Variants in FAM81A observed in about 807,000 individuals in gnomAD.
FAM81A encodes protein FAM81A.
In FAM81A, 19 loss-of-function variants were observed where a neutral mutation model predicts 46.7. The ratio of observed to expected loss-of-function variants is 0.41; its 90% confidence interval spans 0.28 to 0.60. The LOEUF (loss-of-function observed/expected upper bound fraction) is 0.60, where lower values mean the gene tolerates loss of function less well. FAM81A is among the 20% of genes least tolerant of loss of function. The pLI, the probability that FAM81A is intolerant of heterozygous loss-of-function variation, is 0.34. For synonymous variants in FAM81A, 183 were observed against 152.9 expected, an observed-to-expected ratio of 1.20 and a Z score of -1.45; for missense variants, 377 against 453.5, an observed-to-expected ratio of 0.83 and a Z score of 1.53.
chr15:59,513,925 A>G (rs1473135976), intron 6 of FAM81A, among the ~76,000 whole-genome samples: 1 of 152,234 alleles, frequency 6.6e-6, no homozygotes, highest in Non-Finnish European at 1.5e-5. Context: ...TGCCCTTTGC[A>G]GGGACATGGA....
intron 1 of FAM81A, among the ~76,000 whole-genome samples, chr15:59,457,619 A>G (rs1470402544): frequency 1.3e-5 from 2 of 152,232 alleles, no homozygotes; most frequent in Non-Finnish European, 2.9e-5. Flanking sequence ...CTCTTTGGGC[A>G]CCATAGCTTG....
At chr15:59,509,957 A>T (rs916108500) in intron 6 of FAM81A, among the ~76,000 whole-genome samples, 11 of 152,186 alleles carry the variant, frequency 7.2e-5, no homozygotes, top group African/African-American at 2.4e-4. Flanking sequence ...GGCCCAACCT[A>T]TGCCTAATGA....
chr15:59,509,369 G>A (rs1446861447), intron 6 of FAM81A, among the ~76,000 whole-genome samples: 1 of 152,202 alleles, frequency 6.6e-6, no homozygotes, highest in African/African-American at 2.4e-5. Context: ...TCATGGTTGT[G>A]TAGGCTGAAT....
intron 3 of FAM81A, among the ~76,000 whole-genome samples, chr15:59,469,993 G>A (rs1436226557): frequency 6.6e-6 from 1 of 152,052 alleles, no homozygotes; most frequent in African/African-American, 2.4e-5. Context: ...ATGAAATTCT[G>A]GGTGGAAAAA....
intron 1 of FAM81A, among the ~76,000 whole-genome samples, chr15:59,441,539 C>G (rs764498403): frequency 6.6e-6 from 1 of 152,250 alleles, no homozygotes; most frequent in Non-Finnish European, 1.5e-5. Context: ...GTTGAACTGT[C>G]CTCAGGTTCT....
chr15:59,521,560 G>A lies in FAM81A; in HGVS notation c.*182G>A, dbSNP rs528180391. ...TCTTGAAAATACTCTTTTGTTAAAA[G>A]TATGAAATACAGTTTTTACCAGTTT... On this transcript the variant is annotated 3_prime_UTR_variant, in exon 9 of 9. Coordinates refer to ENST00000288228, the MANE Select transcript of FAM81A (RefSeq NM_152450.3). The A allele has an allele frequency of 3.9e-4, 234 of 597,048 alleles. 1 individual carries two copies. The highest frequency in any genetic ancestry group is 3.9e-3 in the African/African-American group (201 of 52,194). The allele number at this position is 597,048 out of a possible 1,614,324, so 37.0% of individuals were successfully genotyped here. A position where few individuals can be genotyped will look rare whatever the true frequency, so the allele number is the denominator to read the frequency against.
intron 8 of FAM81A, among the ~76,000 whole-genome samples, chr15:59,519,195 T>TC (rs2082300052): frequency 6.6e-6 from 1 of 151,932 alleles, no homozygotes; most frequent in Non-Finnish European, 1.5e-5. Context: ...TTCTTTCTTT[T>TC]CTTTTTTTTT....
intron 2 of FAM81A, among the ~76,000 whole-genome samples, chr15:59,411,250 T>C (rs2081119247): frequency 6.6e-6 from 1 of 152,132 alleles, no homozygotes; most frequent in South Asian, 2.1e-4. Context: ...GAACAGTCGC[T>C]GGGGCAGAGG....
intron 6 of FAM81A, among the ~76,000 whole-genome samples, chr15:59,510,465 C>A: frequency 1.3e-5 from 2 of 150,792 alleles, no homozygotes; most frequent in South Asian, 2.1e-4. Context: ...TACAGAACAC[C>A]AAATAAATAT....
At chr15:59,447,592 G>T (rs759458430) in intron 1 of FAM81A, among the ~76,000 whole-genome samples, 5 of 152,196 alleles carry the variant, frequency 3.3e-5, no homozygotes, top group Non-Finnish European at 5.9e-5. Context: ...GAAAGCTCCT[G>T]CTATTAGCAT....
chr15:59,473,948 A>T (rs1189680719), intron 3 of FAM81A, among the ~76,000 whole-genome samples: 1 of 152,102 alleles, frequency 6.6e-6, no homozygotes, highest in African/African-American at 2.4e-5. Context: ...AAGTGTTGGG[A>T]TTACAGGCAT....
intron 3 of FAM81A, among the ~76,000 whole-genome samples, chr15:59,487,221 A>G (rs1229865678): frequency 2.0e-5 from 3 of 146,668 alleles, no homozygotes; most frequent in Non-Finnish European, 1.5e-5. Context: ...TCTTATATGT[A>G]TATTATATAT....
intron 8 of FAM81A, among the ~76,000 whole-genome samples, chr15:59,517,380 C>T (rs1333237940): frequency 1.3e-5 from 2 of 152,140 alleles, no homozygotes; most frequent in Non-Finnish European, 2.9e-5. Flanking sequence ...ACTGTGACCA[C>T]TAAGTGGAAG....
At chr15:59,461,275 G>A (rs141423486) in intron 3 of FAM81A, among the ~76,000 whole-genome samples, 103 of 152,062 alleles carry the variant, frequency 6.8e-4, no homozygotes, top group African/African-American at 2.3e-3. Flanking sequence ...GAGGTCTTTC[G>A]CATCTGGCTT....
chr15:59,450,366 G>A (rs1296998236), intron 1 of FAM81A, among the ~76,000 whole-genome samples: 1 of 151,968 alleles, frequency 6.6e-6, no homozygotes, highest in Non-Finnish European at 1.5e-5. Context: ...GCTACCTTAA[G>A]TATTCTTGCA....
chr15:59,447,235 G>GA (rs2081362873), intron 1 of FAM81A, among the ~76,000 whole-genome samples: 2 of 152,192 alleles, frequency 1.3e-5, no homozygotes, highest in South Asian at 4.1e-4. Flanking sequence ...ATGTACAGTT[G>GA]AAAAAATGTC....
chr15:59,451,308 G>A (rs561839715), intron 1 of FAM81A, among the ~76,000 whole-genome samples: 2 of 152,172 alleles, frequency 1.3e-5, no homozygotes, highest in Admixed American at 1.3e-4. Flanking sequence ...AAAAGATGTG[G>A]TTGGTGAGTA....
Position 59,439,643 on chromosome 15 carries a change from GAC to G in FAM81A, c.-78+1365_-78+1366del, listed in dbSNP as rs2081276161. ...TCTGTATAAGAACGTGGGTTGGGAA[GAC>G]ACAGTTTCCAATGCTAATGAATAAG... On this transcript the variant is annotated intron_variant, in intron 1 of 8. Transcript: ENST00000288228. Among the ~76,000 whole-genome samples, 6 of 152,144 alleles carry G rather than the reference GAC, an allele frequency of 3.9e-5. No individual in the cohort carries two copies. In the South Asian group the frequency reaches 1.2e-3, roughly 32 times the overall value.
At chr15:59,490,116 TG>T (rs2081966067) in intron 3 of FAM81A, among the ~76,000 whole-genome samples, 1 of 149,312 alleles carries the variant, frequency 6.7e-6, no homozygotes, top group Non-Finnish European at 1.5e-5. Flanking sequence ...AAATAAAAGT[TG>T]AAAAAAAAAA....
Sources: allele counts gnomAD v4.1 joint callset (sites outside exome capture counted in the v4.1 genomes callset), GRCh38; gene constraint gnomAD v4.1.1; transcripts MANE v1.5; gene names NCBI Gene and HGNC (gene_info 2026-07-23, HGNC 2026-07-21).